The following CDH12 variants were observed in gnomAD, a reference collection of about 807,000 sequenced individuals.
The protein encoded by CDH12 is cadherin-12.
In CDH12, 41 loss-of-function variants were observed where a neutral mutation model predicts 74.1. That is an observed-to-expected ratio of 0.55 (90% CI 0.43 to 0.72). The LOEUF is 0.72. Among genes scored for constraint, CDH12 ranks in the 30% least tolerant of loss-of-function variants. The pLI is 0.00. For synonymous variants in CDH12, 399 were observed against 355.0 expected, an observed-to-expected ratio of 1.12 and a Z score of -1.39; for missense variants, 945 against 977.2, an observed-to-expected ratio of 0.97 and a Z score of 0.44.
intron 5 of CDH12, among the ~76,000 whole-genome samples, chr5:22,076,541 CT>C (rs1411004001): frequency 6.6e-6 from 1 of 152,070 alleles, no homozygotes; most frequent in Non-Finnish European, 1.5e-5. Flanking sequence ...TAACTGATAT[CT>C]ATGTTGCAGA....
intron 4 of CDH12, among the ~76,000 whole-genome samples, chr5:22,151,442 T>A (rs1747575496): frequency 6.6e-6 from 1 of 152,166 alleles, no homozygotes; most frequent in South Asian, 2.1e-4. Context: ...GATAAGCCAT[T>A]CTGTGACTTG....
intron 6 of CDH12, among the ~76,000 whole-genome samples, chr5:21,863,159 T>A (rs6452010): frequency 1.3e-5 from 2 of 152,218 alleles, no homozygotes; most frequent in African/African-American, 4.8e-5. Context: ...ATGTGCCTTG[T>A]AGATTAGATT....
chr5:21,803,527 AC>A (rs1747255899), intron 9 of CDH12, among the ~76,000 whole-genome samples: 1 of 152,164 alleles, frequency 6.6e-6, no homozygotes, highest in Non-Finnish European at 1.5e-5. Context: ...ATCGCTGCTT[AC>A]TTGCACCCTC....
chr5:21,845,198 A>C (rs746440744), intron 7 of CDH12, among the ~76,000 whole-genome samples: 2 of 152,176 alleles, frequency 1.3e-5, no homozygotes, highest in Non-Finnish European at 1.5e-5. Flanking sequence ...ACCATTTCAC[A>C]TGAATAAATA....
intron 8 of CDH12, among the ~76,000 whole-genome samples, chr5:21,827,034 A>C (rs892883837): frequency 2.0e-5 from 3 of 152,120 alleles, no homozygotes; most frequent in Non-Finnish European, 4.4e-5. Context: ...AGTTGAGAAG[A>C]AAAAGGCACA....
At chr5:22,063,254 C>A (rs555994969) in intron 5 of CDH12, among the ~76,000 whole-genome samples, 2 of 152,100 alleles carry the variant, frequency 1.3e-5, no homozygotes, top group South Asian at 2.1e-4. Context: ...AATTTTATTG[C>A]CACTGCCTTG....
At chr5:22,840,605 G>C (rs972977304) in intron 1 of CDH12, among the ~76,000 whole-genome samples, 2 of 151,612 alleles carry the variant, frequency 1.3e-5, no homozygotes, top group African/African-American at 4.8e-5. Flanking sequence ...CTATATGTTA[G>C]TCTGTTAGAC....
At chr5:21,760,746 T>G in intron 12 of CDH12, 71 bp from the exon 13 acceptor site, 1 of 888,336 alleles carries the variant, frequency 1.1e-6, no homozygotes, top group Non-Finnish European at 1.9e-6. Flanking sequence ...CTACTAAATG[T>G]ATTTAATGAA....
intron 1 of CDH12, among the ~76,000 whole-genome samples, chr5:22,533,104 C>A (rs1371806111): frequency 2.0e-5 from 3 of 151,372 alleles, no homozygotes; most frequent in Non-Finnish European, 4.4e-5. Context: ...TTTCTTTTTT[C>A]TTTTTCCTTC....
At chr5:22,492,824 T>A (rs933466817) in intron 2 of CDH12, among the ~76,000 whole-genome samples, 1 of 152,146 alleles carries the variant, frequency 6.6e-6, no homozygotes, top group African/African-American at 2.4e-5. Context: ...TCCCTTGCTC[T>A]CCTGAGGTCA....
intron 4 of CDH12, among the ~76,000 whole-genome samples, chr5:22,114,190 T>C (rs574203516): frequency 2.4e-4 from 37 of 152,280 alleles, no homozygotes; most frequent in Admixed American, 9.2e-4. Flanking sequence ...TATTATCAGT[T>C]CCCCGCATTG....
chr5:22,649,281 C>T (rs1187686248), intron 1 of CDH12, among the ~76,000 whole-genome samples: 1 of 151,916 alleles, frequency 6.6e-6, no homozygotes, highest in Non-Finnish European at 1.5e-5. Context: ...TGTTATTTAC[C>T]CTTACTTTTC....
At chr5:22,724,728 A>T (rs1744074607) in intron 1 of CDH12, among the ~76,000 whole-genome samples, 1 of 151,826 alleles carries the variant, frequency 6.6e-6, no homozygotes, top group African/African-American at 2.4e-5. Context: ...GTTTTAAATG[A>T]TGGCATAATG....
At chr5:22,170,720 C>A (rs1472750375) in intron 4 of CDH12, among the ~76,000 whole-genome samples, 2 of 151,842 alleles carry the variant, frequency 1.3e-5, no homozygotes, top group Non-Finnish European at 2.9e-5. Flanking sequence ...ATTGTACAAT[C>A]TAACCTCTGG....
chr5:22,588,471 G>C (rs774948350), intron 1 of CDH12, among the ~76,000 whole-genome samples: 15 of 152,132 alleles, frequency 9.9e-5, no homozygotes, highest in Non-Finnish European at 1.9e-4. Flanking sequence ...TGCAAGGGTA[G>C]AACATAAATG....
chr5:22,070,155 A>G (rs1488111507), intron 5 of CDH12, among the ~76,000 whole-genome samples: 1 of 152,108 alleles, frequency 6.6e-6, no homozygotes, highest in Non-Finnish European at 1.5e-5. Flanking sequence ...TATTGACTTG[A>G]TATCATGGTA....
intron 1 of CDH12, among the ~76,000 whole-genome samples, chr5:22,553,316 C>T (rs1047351481): frequency 1.3e-5 from 2 of 152,094 alleles, no homozygotes; most frequent in African/African-American, 4.8e-5. Flanking sequence ...GTTTTATCAT[C>T]ATCTGAAAAT....
intron 10 of CDH12, among the ~76,000 whole-genome samples, chr5:21,788,426 C>A (rs1479306674): frequency 6.6e-6 from 1 of 151,840 alleles, no homozygotes; most frequent in Non-Finnish European, 1.5e-5. Flanking sequence ...CTATAGAAAA[C>A]TATCTGAGAA....
intron 4 of CDH12, among the ~76,000 whole-genome samples, chr5:22,191,620 A>G (rs1198175984): frequency 1.5e-5 from 1 of 65,266 alleles, no homozygotes; most frequent in Non-Finnish European, 2.9e-5. Context: ...GCTGGAGTGC[A>G]GTGGCGGGAT....
Sources: gnomAD v4.1 joint callset for allele counts (sites outside exome capture counted in the v4.1 genomes callset) on GRCh38, gnomAD v4.1.1 for gene constraint, MANE v1.5 for transcripts, NCBI Gene and HGNC (gene_info 2026-07-23, HGNC 2026-07-21) for gene names.